Variants in FOXP2 observed in about 807,000 individuals in gnomAD.
FOXP2 encodes forkhead box P2, also known as forkhead box protein P2.
In FOXP2, 12 loss-of-function variants were observed where a neutral mutation model predicts 115.8. The observed-to-expected ratio is 0.10, with a 90% confidence interval of 0.07 to 0.17. The LOEUF (loss-of-function observed/expected upper bound fraction) is 0.17. FOXP2 is among the 10% of genes least tolerant of loss of function. The pLI, the probability that FOXP2 is intolerant of heterozygous loss-of-function variation, is 1.00. For synonymous variants in FOXP2, 328 were observed against 297.7 expected, an observed-to-expected ratio of 1.10 and a Z score of -1.05; for missense variants, 629 against 843.5, an observed-to-expected ratio of 0.75 and a Z score of 3.15.
At position 114,690,890 on chromosome 7, in the gene FOXP2, T is replaced by A. The variant is rs1384020214; in HGVS notation, c.*964T>A. 2.2e-6 allele frequency: 1 copy of A among 454,510 alleles called. No homozygotes were observed. 28.2% of individuals were successfully genotyped at this position (454,510 alleles called of 1,614,324 possible). On this transcript the variant is annotated 3_prime_UTR_variant, in exon 17 of 17. Coordinates refer to ENST00000350908, the MANE Select transcript of FOXP2 (RefSeq NM_014491.4). ...TTTTCTGATGACCTCTGGGATCTTT[T>A]CATTTAGCCCTAAACAAAGAAACAA...
intron 1 of FOXP2, among the ~76,000 whole-genome samples, chr7:114,280,782 A>G (rs1796316097): frequency 6.6e-6 from 1 of 152,162 alleles, no homozygotes; most frequent in Admixed American, 6.5e-5. Context: ...GATTCAGACA[A>G]GTGTGTCACT....
At chr7:114,216,222 T>C (rs1386007266) in intron 1 of FOXP2, among the ~76,000 whole-genome samples, 1 of 152,202 alleles carries the variant, frequency 6.6e-6, no homozygotes, top group Non-Finnish European at 1.5e-5. Flanking sequence ...AGTCGCCTCA[T>C]GAACATGTGC....
chr7:114,209,114 G>T (rs1216308970), intron 1 of FOXP2, among the ~76,000 whole-genome samples: 1 of 152,114 alleles, frequency 6.6e-6, no homozygotes, highest in Non-Finnish European at 1.5e-5. Flanking sequence ...ATCATGGCAT[G>T]GTTTCTCCCA....
rs372538233 is a variant in FOXP2 at position 114,374,195 on chromosome 7, C to G, written c.-10-52307C>G. Among the ~76,000 whole-genome samples, 177 of 152,196 alleles carry G rather than the reference C, an allele frequency of 1.2e-3. 7 individuals are homozygous for G. The South Asian group carries it at 0.036, about 31-fold the overall frequency. On this transcript the variant is annotated intron_variant, in intron 2 of 17. Transcript: ENST00000634411. Reference sequence around the variant, plus strand: ...ACACTGTTAAGTAATATTTGTAGAACAAACAATTTCTGTATCTTAGGTGAT... The same window carrying G: ...ACACTGTTAAGTAATATTTGTAGAAGAAACAATTTCTGTATCTTAGGTGAT...
chr7:114,159,699 G>C (rs1284966403), upstream of FOXP2, among the ~76,000 whole-genome samples: 1 of 151,950 alleles, frequency 6.6e-6, no homozygotes, highest in Non-Finnish European at 1.5e-5. Context: ...CTGGATTATA[G>C]TTCACATTTA....
chr7:114,261,635 C>T (rs933133438), intron 1 of FOXP2, among the ~76,000 whole-genome samples: 9 of 152,086 alleles, frequency 5.9e-5, no homozygotes, highest in South Asian at 2.1e-4. Context: ...TAAAATAAAA[C>T]GGTTATAGAA....
intron 2 of FOXP2, among the ~76,000 whole-genome samples, chr7:114,530,006 A>G (rs1304089107): frequency 6.6e-6 from 1 of 151,934 alleles, no homozygotes; most frequent in East Asian, 1.9e-4. Context: ...TTGAAGACAC[A>G]ATGTGTTAAA....
chr7:114,659,279 C>T (rs1023635120), intron 11 of FOXP2, 77 bp from the exon 12 acceptor site: 1 of 1,059,508 alleles, frequency 9.4e-7, no homozygotes, highest in Non-Finnish European at 1.5e-6. Flanking sequence ...TTTACCAATA[C>T]TAGAGGAAAT....
Position 114,677,176 on chromosome 7 carries a change from A to C in FOXP2, c.2004-12606A>C, listed in dbSNP as rs540240376. The stretch of plus-strand genomic sequence containing the variant: ...GCAAGAATCCGTCTCAAAAAACAAA[A>C]AAAAAAAAAACAAAAAAAACAAACT... On this transcript the variant is annotated intron_variant, in intron 16 of 16. Coordinates refer to ENST00000350908, the MANE Select transcript of FOXP2 (RefSeq NM_014491.4). Among the ~76,000 whole-genome samples, 37 of 142,444 alleles carry C rather than the reference A, an allele frequency of 2.6e-4. 2 individuals are homozygous for C. The Middle Eastern group carries it at 0.014, about 53-fold the overall frequency. The allele number at this position is 142,444 out of a possible 152,430, so 93.4% of individuals were successfully genotyped here.
At chr7:114,242,964 G>A (rs993195416) in intron 1 of FOXP2, among the ~76,000 whole-genome samples, 2 of 152,094 alleles carry the variant, frequency 1.3e-5, no homozygotes, top group African/African-American at 4.8e-5. Flanking sequence ...ATGGCCCTTG[G>A]ACTCAGAAGA....
intron 3 of FOXP2, among the ~76,000 whole-genome samples, chr7:114,569,215 GTTTTGA>G (rs1563005408): frequency 3.3e-5 from 5 of 151,876 alleles, no homozygotes; most frequent in Admixed American, 3.3e-4. Flanking sequence ...CGTGTGGCTT[GTTTTGA>G]TTTTAACGAA....
intron 1 of FOXP2, among the ~76,000 whole-genome samples, chr7:114,166,019 C>T (rs1792972277): frequency 2.0e-5 from 3 of 152,132 alleles, no homozygotes; most frequent in African/African-American, 4.8e-5. Context: ...AAAGGACAGT[C>T]TTTTCAACAA....
chr7:114,430,301 C>T (rs1250701394), intron 2 of FOXP2, among the ~76,000 whole-genome samples: 2 of 151,556 alleles, frequency 1.3e-5, no homozygotes, highest in East Asian at 3.9e-4. Flanking sequence ...ACGCACTTTT[C>T]AAATGAAATA....
chr7:114,563,006 G>T (rs573597154), intron 3 of FOXP2, among the ~76,000 whole-genome samples: 6 of 152,164 alleles, frequency 3.9e-5, no homozygotes, highest in Non-Finnish European at 8.8e-5. Flanking sequence ...GAAGGAAGAG[G>T]AGGAGTAAAG....
At chr7:114,635,826 T>C (rs898444273) in intron 6 of FOXP2, among the ~76,000 whole-genome samples, 4 of 152,130 alleles carry the variant, frequency 2.6e-5, no homozygotes, top group East Asian at 1.9e-4. Context: ...TAAAATATGA[T>C]GAGAAAAAGG....
chr7:114,176,298 T>TTCTTTCTTTCTCTCTCTCTCTCTC (rs368923204), intron 1 of FOXP2, among the ~76,000 whole-genome samples: 8 of 76,578 alleles, frequency 1.0e-4, no homozygotes, highest in African/African-American at 4.3e-4. Context: ...CTTTCTTTCT[T>TTCTTTCTTTCTCTCTCTCTCTCTC]TCTCTCTCTC....
chr7:114,503,950 C>T (rs569973954), intron 2 of FOXP2, among the ~76,000 whole-genome samples: 22 of 151,254 alleles, frequency 1.5e-4, no homozygotes, highest in Middle Eastern at 6.8e-3. Flanking sequence ...AAAGAAAAGA[C>T]CATATATTTC....
intron 2 of FOXP2, among the ~76,000 whole-genome samples, chr7:114,431,569 A>G (rs1259767264): frequency 6.6e-6 from 1 of 151,918 alleles, no homozygotes; most frequent in Non-Finnish European, 1.5e-5. Context: ...TTAAGTTCAC[A>G]TTATTTTATA....
At chr7:114,607,710 A>G (rs1480573432) in intron 3 of FOXP2, among the ~76,000 whole-genome samples, 1 of 152,188 alleles carries the variant, frequency 6.6e-6, no homozygotes, top group African/African-American at 2.4e-5. Flanking sequence ...TCAAACCTAA[A>G]CATAGTGGGA....
Sources: allele counts gnomAD v4.1 joint callset (sites outside exome capture counted in the v4.1 genomes callset), GRCh38; gene constraint gnomAD v4.1.1; transcripts MANE v1.5; gene names NCBI Gene and HGNC (gene_info 2026-07-23, HGNC 2026-07-21).